ARHGAP39: variants seen among roughly 807,000 people sequenced by gnomAD.
ARHGAP39 encodes the protein Rho GTPase activating protein 39, also known as rho GTPase-activating protein 39.
Under a neutral mutation model 106.9 loss-of-function variants are expected in ARHGAP39, and 44 were observed. The observed-to-expected ratio is 0.41, with a 90% confidence interval of 0.32 to 0.53. The LOEUF is 0.53. Ranked by LOEUF, ARHGAP39 falls within the 20% of genes least tolerant of loss-of-function variation. The pLI is 0.21. For missense variants in ARHGAP39, 1,496 were observed against 1,577.3 expected (o/e 0.95, Z 0.87); for synonymous variants, 768 against 693.2 (o/e 1.11, Z -1.69).
intron 1 of ARHGAP39, among the ~76,000 whole-genome samples, chr8:144,611,537 T>C (rs1820489967): frequency 6.6e-6 from 1 of 152,222 alleles, no homozygotes; most frequent in Admixed American, 6.5e-5. Flanking sequence ...ATTAGGTGCA[T>C]ACACATTTAC....
chr8:144,623,640 A>C (rs1421578339), intron 1 of ARHGAP39, among the ~76,000 whole-genome samples: 1 of 152,260 alleles, frequency 6.6e-6, no homozygotes, highest in Non-Finnish European at 1.5e-5. Context: ...AGATGGTACA[A>C]GAAGCCTTGC....
At chr8:144,532,442 G>A (rs1397334164) in intron 9 of ARHGAP39, 46 bp from the exon 10 acceptor site, 24 of 1,551,988 alleles carry the variant, frequency 1.5e-5, no homozygotes, top group South Asian at 3.4e-5. Flanking sequence ...CCTGTGCTGC[G>A]GCTTCATGAT....
At chr8:144,688,103 CTCT>C (rs959834508), upstream of ARHGAP39, among the ~76,000 whole-genome samples, 11 of 148,694 alleles carry the variant, frequency 7.4e-5, no homozygotes, top group African/African-American at 2.8e-4. Flanking sequence ...GGACATTTAA[CTCT>C]TTTTTTTTTT....
At chr8:144,619,143 T>C (rs1044194530) in intron 1 of ARHGAP39, among the ~76,000 whole-genome samples, 1 of 152,008 alleles carries the variant, frequency 6.6e-6, no homozygotes, top group African/African-American at 2.4e-5. Context: ...GTTCCAGTCA[T>C]GAGTGGGCAA....
chr8:144,639,338 AAAAGAAAGAAAG>A (rs1204395548), intron 1 of ARHGAP39, among the ~76,000 whole-genome samples: 3 of 146,258 alleles, frequency 2.1e-5, no homozygotes, highest in Non-Finnish European at 4.4e-5. Flanking sequence ...AAAAAAAAAA[AAAAGAAAGAAAG>A]AAAGAAAGAA....
intron 1 of ARHGAP39, among the ~76,000 whole-genome samples, chr8:144,654,230 C>T: frequency 6.6e-6 from 1 of 152,146 alleles, no homozygotes; most frequent in East Asian, 1.9e-4. Context: ...TGAGGCCAGG[C>T]ACAGTGGCTC....
chr8:144,603,130 C>G (rs1282797558), intron 2 of ARHGAP39, among the ~76,000 whole-genome samples: 3 of 129,186 alleles, frequency 2.3e-5, no homozygotes, highest in East Asian at 2.5e-4. Flanking sequence ...CGTGTGTGTG[C>G]TGGTGTACCT....
chr8:144,689,363 G>T (rs573796008), upstream of ARHGAP39, among the ~76,000 whole-genome samples: 1 of 148,838 alleles, frequency 6.7e-6, no homozygotes, highest in South Asian at 2.1e-4. Flanking sequence ...CAGTCTTCTG[G>T]TTTTCTTTTT....
chr8:144,673,889 C>T (rs1189191656), intron 1 of ARHGAP39, among the ~76,000 whole-genome samples: 1 of 152,250 alleles, frequency 6.6e-6, no homozygotes, highest in Non-Finnish European at 1.5e-5. Flanking sequence ...GCAGGCTGCT[C>T]CAGGTGCCAG....
the ARHGAP39 span, among the ~76,000 whole-genome samples, chr8:144,692,875 T>C: frequency 6.7e-6 from 1 of 150,358 alleles, no homozygotes; most frequent in Non-Finnish European, 1.5e-5. Flanking sequence ...TTCTCCTACT[T>C]CAGCCTCCCG....
intron 1 of ARHGAP39, among the ~76,000 whole-genome samples, chr8:144,642,754 G>A (rs895806084): frequency 8.5e-5 from 13 of 152,128 alleles, no homozygotes; most frequent in African/African-American, 2.9e-4. Context: ...CTTCTGCCAC[G>A]ATGGTGAGGC....
chr8:144,580,720 GC>G, intron 3 of ARHGAP39, 125 bp downstream of exon 3: 1 of 1,191,884 alleles, frequency 8.4e-7, no homozygotes, highest in Non-Finnish European at 1.1e-6. Context: ...TCCTAACCTG[GC>G]CCCGCCCACC....
Position 144,636,454 on chromosome 8 carries a change from A to T in ARHGAP39, c.-81-30759T>A, listed in dbSNP as rs567866874. On this transcript the variant is annotated intron_variant, in intron 1 of 11. Transcript: ENST00000377307. ...ACAGAAAAGATGACAAAAGGAAGAA[A>T]CTATGGGGTCTGCAGGAACCCTACA... Among the ~76,000 whole-genome samples the T allele has an allele frequency of 4.6e-5, 7 of 152,260 alleles. No individual in the cohort carries two copies. The South Asian group carries it at 1.4e-3, about 32-fold the overall frequency.
At chr8:144,664,106 G>A (rs1821901435) in intron 1 of ARHGAP39, among the ~76,000 whole-genome samples, 1 of 152,142 alleles carries the variant, frequency 6.6e-6, no homozygotes, top group African/African-American at 2.4e-5. Flanking sequence ...GGCGGAGGCT[G>A]CAGTGAGCTG....
chr8:144,571,680 G>A (rs1818592057), intron 3 of ARHGAP39, among the ~76,000 whole-genome samples: 2 of 152,160 alleles, frequency 1.3e-5, no homozygotes, highest in South Asian at 4.1e-4. Context: ...TATTCAATTA[G>A]GAAAAGAGGA....
chr8:144,534,035 C>G, intron 8 of ARHGAP39, 94 bp downstream of exon 8: 1 of 1,426,958 alleles, frequency 7.0e-7, no homozygotes, highest in Non-Finnish European at 9.7e-7. Context: ...GCGCTGCTGC[C>G]CCATACCAAA....
chr8:144,546,986 C>T (rs1817453158), intron 5 of ARHGAP39, 141 bp downstream of exon 5: 1 of 1,100,448 alleles, frequency 9.1e-7, no homozygotes. Context: ...GTGCCCAGGG[C>T]CCCGGAGACA....
At chr8:144,539,676 T>C (rs1586879323) in intron 6 of ARHGAP39, among the ~76,000 whole-genome samples, 2 of 152,364 alleles carry the variant, frequency 1.3e-5, no homozygotes, top group South Asian at 4.1e-4. Flanking sequence ...CTGTCTTTTC[T>C]TCACTAAGTT....
intron 1 of ARHGAP39, among the ~76,000 whole-genome samples, chr8:144,663,353 G>T (rs1183916978): frequency 3.3e-5 from 5 of 152,284 alleles, no homozygotes; most frequent in Middle Eastern, 3.4e-3. Flanking sequence ...ATTCCTGGCA[G>T]ACAGGAATGA....
Sources: gnomAD v4.1 joint callset for allele counts (sites outside exome capture counted in the v4.1 genomes callset) on GRCh38, gnomAD v4.1.1 for gene constraint, MANE v1.5 for transcripts, NCBI Gene and HGNC (gene_info 2026-07-23, HGNC 2026-07-21) for gene names.